WWTR1: variants seen among roughly 807,000 people sequenced by gnomAD.
WWTR1 encodes the protein WW domain containing transcription regulator 1.
In WWTR1, 13 loss-of-function variants were observed where a neutral mutation model predicts 40.1. The ratio of observed to expected loss-of-function variants is 0.32; its 90% CI spans 0.21 to 0.52. WWTR1 has a LOEUF of 0.52. Ranked by LOEUF, WWTR1 falls within the 20% of genes least tolerant of loss-of-function variation. WWTR1 has a pLI of 0.97. For missense variants in WWTR1, 436 were observed against 523.1 expected (o/e 0.83, Z 1.63); for synonymous variants, 230 against 210.1 (o/e 1.09, Z -0.82).
intron 1 of WWTR1, among the ~76,000 whole-genome samples, chr3:149,677,827 G>C (rs570128174): frequency 6.6e-6 from 1 of 151,646 alleles, no homozygotes; most frequent in Non-Finnish European, 1.5e-5. Context: ...GTGACACAGC[G>C]ATCTCAGCTC....
chr3:149,649,413 G>C (rs768328029), intron 2 of WWTR1, among the ~76,000 whole-genome samples: 2 of 152,214 alleles, frequency 1.3e-5, no homozygotes, highest in Non-Finnish European at 2.9e-5. Context: ...ACAATAACAG[G>C]AATGAACTTG....
chr3:149,587,852 G>A (rs1180972466), intron 2 of WWTR1, among the ~76,000 whole-genome samples: 2 of 152,118 alleles, frequency 1.3e-5, no homozygotes, highest in Admixed American at 1.3e-4. Context: ...CTTTAAAAAT[G>A]CCCATAAAAT....
intron 2 of WWTR1, among the ~76,000 whole-genome samples, chr3:149,630,371 T>C (rs1281519921): frequency 6.6e-6 from 1 of 152,158 alleles, no homozygotes; most frequent in African/African-American, 2.4e-5. Context: ...AGAAAAGGTT[T>C]TCTACCAAGG....
At chr3:149,575,624 A>C (rs1737843907) in intron 2 of WWTR1, among the ~76,000 whole-genome samples, 1 of 152,196 alleles carries the variant, frequency 6.6e-6, no homozygotes, top group African/African-American at 2.4e-5. Context: ...CGTGGTCAGA[A>C]TTTCAGCTAC....
chr3:149,544,837 A>T (rs1171379677), intron 3 of WWTR1, among the ~76,000 whole-genome samples: 1 of 152,216 alleles, frequency 6.6e-6, no homozygotes. Context: ...TGCGTTACTA[A>T]GAGGAAGGGC....
At position 149,657,134 on chromosome 3, in the gene WWTR1, G is replaced by A. The variant is rs1576627460; in HGVS notation, c.173C>T (p.Ser58Leu). Residue 58 changes from serine to leucine, a missense_variant, in exon 2 of 7, where the codon TCG (serine) becomes TTG (leucine). Ser to Leu is a moderately radical substitution (Grantham distance 145). Transcript: ENST00000360632. Reference sequence around the variant, plus strand: ...GCTGGACTGGCGCGAGTGCGAGCCCGAATCAGGCTCCTTAAAGAAAGACTC... The same window carrying A: ...GCTGGACTGGCGCGAGTGCGAGCCCAAATCAGGCTCCTTAAAGAAAGACTC... ...LPESFFKEPD[S>L]GSHSRQSSTD... The A allele has an allele frequency of 1.3e-6, 2 of 1,596,312 alleles. No individual in the cohort carries two copies. Among genetic ancestry groups the A allele is most frequent in the Non-Finnish European group, 1.7e-6 (2 of 1,173,236 alleles).
chr3:149,715,444 C>T lies in WWTR1; in HGVS notation n.584+1998G>A, dbSNP rs139657972. 5.3e-3 allele frequency among the ~76,000 whole-genome samples: 813 copies of T among 152,350 alleles called. 10 individuals are homozygous for T. The highest frequency in any genetic ancestry group is 9.0e-3 in the Non-Finnish European group (609 of 68,022). ...GAGCGCTGGCACCCGTGCCAGCACT[C>T]GGAACTGCCTGCCCCCTGGCAGCAG... On this transcript the variant is annotated intron_variant and non_coding_transcript_variant, in intron 5 of 6. Coordinates refer to the WWTR1 transcript ENST00000474080.
chr3:149,713,758 G>A (rs967388802), intron 5 of WWTR1, among the ~76,000 whole-genome samples: 2 of 152,220 alleles, frequency 1.3e-5, no homozygotes, highest in African/African-American at 4.8e-5. Flanking sequence ...CAGCAGCAGA[G>A]GGGCATGGGC....
intron 2 of WWTR1, among the ~76,000 whole-genome samples, chr3:149,663,434 G>A (rs1018591381): frequency 6.6e-6 from 1 of 151,818 alleles, no homozygotes; most frequent in Non-Finnish European, 1.5e-5. Flanking sequence ...AGTGGCTCAC[G>A]TCTGTAATCC....
Position 149,518,220 on chromosome 3 carries a change from A to G in WWTR1, c.*2585T>C, listed in dbSNP as rs2107888613. The G allele has an allele frequency of 6.6e-6, 1 of 152,218 alleles. No homozygotes were observed. The highest frequency in any genetic ancestry group is 1.5e-5 in the Non-Finnish European group (1 of 67,984). 9.4% of individuals were successfully genotyped at this position (152,218 alleles called of 1,614,324 possible). On this transcript the variant is annotated 3_prime_UTR_variant, in exon 7 of 7. Transcript: ENST00000360632. ...AAATATTTATTATATTCATTCATAA[A>G]TGTTCTAACTAATTTAACTAAAAAA...
intron 4 of WWTR1, among the ~76,000 whole-genome samples, chr3:149,533,847 C>G (rs907111265): frequency 6.6e-6 from 1 of 151,796 alleles, no homozygotes; most frequent in East Asian, 1.9e-4. Flanking sequence ...GGCACATTGA[C>G]GCAGTTAACA....
chr3:149,608,305 A>T (rs1354110850), intron 2 of WWTR1, among the ~76,000 whole-genome samples: 4 of 151,816 alleles, frequency 2.6e-5, no homozygotes, highest in African/African-American at 9.7e-5. Context: ...ACACATGCAC[A>T]CACACAAATG....
At chr3:149,548,899 C>T (rs1424638946) in intron 3 of WWTR1, among the ~76,000 whole-genome samples, 1 of 152,172 alleles carries the variant, frequency 6.6e-6, no homozygotes, top group Non-Finnish European at 1.5e-5. Flanking sequence ...AAGGCCTCCC[C>T]AAGCCCTCCA....
chr3:149,626,833 G>A (rs1206214575), intron 2 of WWTR1, among the ~76,000 whole-genome samples: 1 of 152,110 alleles, frequency 6.6e-6, no homozygotes, highest in Non-Finnish European at 1.5e-5. Context: ...CAGCGCACAG[G>A]TTGTTGAACA....
intron 2 of WWTR1, among the ~76,000 whole-genome samples, chr3:149,607,376 G>A (rs895932872): frequency 1.1e-4 from 17 of 152,098 alleles, no homozygotes; most frequent in Admixed American, 8.5e-4. Flanking sequence ...GTGCAGTAGC[G>A]TGATATTGGC....
intron 3 of WWTR1, among the ~76,000 whole-genome samples, chr3:149,562,527 A>G (rs1231520270): frequency 2.0e-5 from 3 of 151,844 alleles, no homozygotes; most frequent in Non-Finnish European, 4.4e-5. Context: ...TGTAATATGG[A>G]AAAAAATAAC....
In WWTR1 at chr3:149,551,299, C is replaced by CAA. The variant is rs5853414; in HGVS notation, c.569-8764_569-8763dup. ...GGCAGCAAGAGTGAAACTTCGTCTC[C>CAA]AAAAAAAAAAGAGTAGAACAGGTAG... On this transcript the variant is annotated intron_variant, in intron 3 of 6. Coordinates refer to ENST00000360632, the MANE Select transcript of WWTR1 (RefSeq NM_015472.6). Among the ~76,000 whole-genome samples, 43 of 134,562 alleles carry CAA rather than the reference C, an allele frequency of 3.2e-4. 3 individuals carry two copies. Among genetic ancestry groups the CAA allele is most frequent in the Admixed American group, 8.9e-4 (12 of 13,550 alleles). The allele number at this position is 134,562 out of a possible 152,430, so 88.3% of individuals were successfully genotyped here.
rs1208920377 is a variant in WWTR1 at position 149,518,511 on chromosome 3, A to G, written c.*2294T>C. 1.3e-5 allele frequency: 2 copies of G among 152,070 alleles called. No individual in the cohort carries two copies. The highest frequency in any genetic ancestry group is 3.9e-4 in the East Asian group (2 of 5,190). 9.4% of individuals were successfully genotyped at this position (152,070 alleles called of 1,614,324 possible). A position where few individuals can be genotyped will look rare whatever the true frequency, so the allele number is the denominator to read the frequency against. ...CAATTCTTTTTGCAATTTTTTGCTA[A>G]CAAAAGACAAAAAGAAATAGTGCTC... On this transcript the variant is annotated 3_prime_UTR_variant, in exon 7 of 7. Coordinates refer to ENST00000360632, the MANE Select transcript of WWTR1 (RefSeq NM_015472.6).
chr3:149,563,055 C>T (rs1187000945), intron 3 of WWTR1, among the ~76,000 whole-genome samples: 1 of 152,104 alleles, frequency 6.6e-6, no homozygotes, highest in Non-Finnish European at 1.5e-5. Flanking sequence ...TGAAATTCTC[C>T]ATAGCAAGGA....
Sources: gnomAD v4.1 joint callset for allele counts (sites outside exome capture counted in the v4.1 genomes callset) on GRCh38, gnomAD v4.1.1 for gene constraint, MANE v1.5 for transcripts, NCBI Gene and HGNC (gene_info 2026-07-23, HGNC 2026-07-21) for gene names.